EYS: variants seen among roughly 807,000 people sequenced by gnomAD.
EYS encodes protein eyes shut homolog.
A neutral mutation model predicts 282.1 loss-of-function variants in EYS; 250 were observed. The observed-to-expected ratio is 0.89, with a 90% CI of 0.80 to 0.98. The LOEUF (loss-of-function observed/expected upper bound fraction) is 0.98, where lower values mean the gene tolerates loss of function less well. EYS is among the 50% of genes least tolerant of loss of function. EYS has a pLI of 0.00. For missense variants in EYS, 4,016 were observed against 3,709.0 expected (o/e 1.08, Z -2.15); for synonymous variants, 1,355 against 1,282.9 (o/e 1.06, Z -1.20).
Position 63,865,147 on chromosome 6 carries a change from C to T in EYS, c.7056-789G>A, listed in dbSNP as rs563220987. 3.5e-4 allele frequency among the ~76,000 whole-genome samples: 54 copies of T among 152,334 alleles called. No homozygotes were observed. In the East Asian group the frequency reaches 9.7e-3, roughly 27 times the overall value. ...TGTATAGTGCAGGGTGGATACATGA[C>T]ACGCTAGGCCAACTGGCCAACCTCT... On this transcript the variant is annotated intron_variant, in intron 35 of 42. Coordinates refer to ENST00000503581, the MANE Select transcript of EYS (RefSeq NM_001142800.2).
intron 29 of EYS, among the ~76,000 whole-genome samples, chr6:64,360,111 C>T (rs190264053): frequency 1.3e-5 from 2 of 151,780 alleles, no homozygotes; most frequent in East Asian, 3.9e-4. Context: ...TATGTGAACA[C>T]ATTTATTGTA....
At position 65,460,074 on chromosome 6, in the gene EYS, TACACAC is replaced by T. The variant is rs71002308; in HGVS notation, c.862+30514_862+30519del. Among the ~76,000 whole-genome samples the T allele has an allele frequency of 3.7e-3, 497 of 135,324 alleles. 7 individuals carry two copies. The highest frequency in any genetic ancestry group is 0.013 in the African/African-American group (482 of 37,490). The allele number at this position is 135,324 out of a possible 152,430, so 88.8% of individuals were successfully genotyped here. A position where few individuals can be genotyped will look rare whatever the true frequency, so the allele number is the denominator to read the frequency against. ...ATGTGTGTATATATGTATATATGTA[TACACAC>T]ACACACACACACACACACATACATA... On this transcript the variant is annotated intron_variant, in intron 5 of 42. Coordinates refer to ENST00000503581, the MANE Select transcript of EYS (RefSeq NM_001142800.2).
intron 40 of EYS, among the ~76,000 whole-genome samples, chr6:63,764,387 G>A (rs773937079): frequency 2.0e-5 from 3 of 151,902 alleles, no homozygotes; most frequent in African/African-American, 4.8e-5. Flanking sequence ...ATCACAAAGA[G>A]TATAGAATGT....
intron 15 of EYS, among the ~76,000 whole-genome samples, chr6:64,944,067 A>G (rs1452587353): frequency 1.3e-5 from 2 of 152,114 alleles, no homozygotes; most frequent in Admixed American, 1.3e-4. Flanking sequence ...ATAAAGCAAC[A>G]TACTGACAGC....
intron 26 of EYS, among the ~76,000 whole-genome samples, chr6:64,502,952 A>G (rs1777100690): frequency 6.6e-6 from 1 of 152,222 alleles, no homozygotes; most frequent in Admixed American, 6.5e-5. Context: ...CAGCAATGCA[A>G]GTTCTTAACG....
At chr6:64,739,043 TGTCCA>T (rs1772281750) in intron 22 of EYS, among the ~76,000 whole-genome samples, 1 of 152,238 alleles carries the variant, frequency 6.6e-6, no homozygotes, top group African/African-American at 2.4e-5. Context: ...CCACCATGCC[TGTCCA>T]GTAATTTAAC....
At chr6:64,803,319 C>T (rs546593344) in intron 22 of EYS, among the ~76,000 whole-genome samples, 2 of 151,248 alleles carry the variant, frequency 1.3e-5, no homozygotes, top group South Asian at 4.2e-4. Flanking sequence ...CTCCTTTCCA[C>T]AGCTGGTCAT....
chr6:65,321,779 G>A (rs1026693140), intron 11 of EYS, among the ~76,000 whole-genome samples: 2 of 152,192 alleles, frequency 1.3e-5, no homozygotes, highest in African/African-American at 4.8e-5. Context: ...TGAGCTGGTA[G>A]GGGGCCTGGC....
intron 9 of EYS, among the ~76,000 whole-genome samples, chr6:65,351,711 T>C (rs1266696906): frequency 6.6e-6 from 1 of 151,764 alleles, no homozygotes; most frequent in African/African-American, 2.4e-5. Context: ...CACTGAAATA[T>C]GTGAACTAAT....
At chr6:65,659,697 C>G (rs1767938887) in intron 1 of EYS, among the ~76,000 whole-genome samples, 1 of 147,652 alleles carries the variant, frequency 6.8e-6, no homozygotes, top group Admixed American at 6.8e-5. Flanking sequence ...AGCTGCTATG[C>G]TTTCTATTTC....
At chr6:64,548,037 G>T (rs906579608) in intron 26 of EYS, among the ~76,000 whole-genome samples, 2 of 152,132 alleles carry the variant, frequency 1.3e-5, no homozygotes, top group African/African-American at 2.4e-5. Context: ...TCCCGCCTGC[G>T]CCTGTCCCTC....
chr6:64,478,160 T>C (rs982135030), intron 26 of EYS, among the ~76,000 whole-genome samples: 1 of 152,046 alleles, frequency 6.6e-6, no homozygotes, highest in Non-Finnish European at 1.5e-5. Context: ...AACCCTACCA[T>C]CTATTAAAAA....
At chr6:64,872,126 C>G (rs1269972087) in intron 19 of EYS, among the ~76,000 whole-genome samples, 1 of 151,964 alleles carries the variant, frequency 6.6e-6, no homozygotes, top group Admixed American at 6.6e-5. Flanking sequence ...TAAATAAGTA[C>G]AGTTGACAAC....
At chr6:64,034,245 A>ATACCACCACTACTAGTAC (rs1476734874) in intron 33 of EYS, among the ~76,000 whole-genome samples, 4 of 152,224 alleles carry the variant, frequency 2.6e-5, no homozygotes, top group African/African-American at 9.6e-5. Context: ...GTACTTGTTA[A>ATACCACCACTACTAGTAC]TACCACCACT....
intron 11 of EYS, among the ~76,000 whole-genome samples, chr6:65,323,860 C>T (rs1769544556): frequency 6.7e-6 from 1 of 149,332 alleles, no homozygotes; most frequent in South Asian, 2.1e-4. Context: ...CTGCTTAAAC[C>T]TTTCACTGGC....
chr6:65,382,485 G>C (rs1427375609), intron 8 of EYS, among the ~76,000 whole-genome samples: 2 of 151,222 alleles, frequency 1.3e-5, no homozygotes, highest in Admixed American at 6.6e-5. Context: ...GTGTGTGTGT[G>C]TGTGTGTGTG....
At chr6:64,796,311 T>G (rs1375426931) in intron 22 of EYS, among the ~76,000 whole-genome samples, 1 of 152,124 alleles carries the variant, frequency 6.6e-6, no homozygotes, top group African/African-American at 2.4e-5. Context: ...GGTTTACTGA[T>G]GAAAGGGGTT....
At chr6:65,671,499 T>A (rs1227121805) in intron 1 of EYS, among the ~76,000 whole-genome samples, 5 of 152,028 alleles carry the variant, frequency 3.3e-5, no homozygotes, top group African/African-American at 1.2e-4. Context: ...ACATAACTAA[T>A]GGAAAAAAAA....
chr6:64,122,175 T>C (rs925050879), intron 31 of EYS, among the ~76,000 whole-genome samples: 2 of 152,160 alleles, frequency 1.3e-5, no homozygotes, highest in East Asian at 3.8e-4. Flanking sequence ...AGATTTAGGA[T>C]CTAATAGTGA....
Sources: allele counts gnomAD v4.1 joint callset (sites outside exome capture counted in the v4.1 genomes callset), GRCh38; gene constraint gnomAD v4.1.1; transcripts MANE v1.5; gene names NCBI Gene and HGNC (gene_info 2026-07-23, HGNC 2026-07-21).